The following SERPINB5 variants were observed in gnomAD, a reference collection of about 807,000 sequenced individuals.
SERPINB5 encodes serpin family B member 5.
SERPINB5 carries 27 observed loss-of-function variants against 32.2 expected under a neutral mutation model. The observed-to-expected ratio is 0.84, with a 90% CI of 0.62 to 1.16. SERPINB5 has a LOEUF of 1.16. SERPINB5 is among the 50% of genes most tolerant of loss of function. The pLI is 0.00. For missense variants in SERPINB5, 388 were observed against 436.3 expected (o/e 0.89, Z 0.99); for synonymous variants, 154 against 157.4 (o/e 0.98, Z 0.16).
At position 63,503,895 on chromosome 18, in the gene SERPINB5, T is replaced by TTC; in HGVS notation, c.*173_*174insTC. On this transcript the variant is annotated 3_prime_UTR_variant, in exon 7 of 7. Coordinates refer to ENST00000382771, the MANE Select transcript of SERPINB5 (RefSeq NM_002639.5). ...CACACAGATAGACCTTTTTTTTTTT[T>TTC]CCAATTCTATCTTTTGTTTCCTTTT... 2 of 617,132 alleles carry TTC rather than the reference T, an allele frequency of 3.2e-6. No homozygotes were observed. The highest frequency in any genetic ancestry group is 2.2e-5 in the South Asian group (1 of 44,974). The allele number at this position is 617,132 out of a possible 1,614,324, so 38.2% of individuals were successfully genotyped here.
intron 5 of SERPINB5, chr18:63,497,499 G>GAAAAAAAAAAAAAAAAAAAAAAAA (rs60323388): frequency 9.2e-6 from 2 of 217,030 alleles, no homozygotes; most frequent in African/African-American, 5.0e-5. Context: ...CAACGTTTCT[G>GAAAAAAAAAAAAAAAAAAAAAAAA]AAAAAAAAAA....
rs71821111 is a variant in SERPINB5 at position 63,499,034 on chromosome 18, TGC to T, written c.568-80_568-79del. 3.4e-3 allele frequency: 1,823 copies of T among 541,026 alleles called. 9 individuals are homozygous for T. Among genetic ancestry groups the T allele is most frequent in the African/African-American group, 0.015 (726 of 48,542 alleles). The allele number at this position is 541,026 out of a possible 1,614,324, so 33.5% of individuals were successfully genotyped here. A position where few individuals can be genotyped will look rare whatever the true frequency, so the allele number is the denominator to read the frequency against. On this transcript the variant is annotated intron_variant, in intron 5 of 6. Coordinates refer to ENST00000382771, the MANE Select transcript of SERPINB5 (RefSeq NM_002639.5). Reference sequence around the variant, plus strand: ...ATGTGGGTATATATGTGTGTGTGTGTGCGCGCGTGTGTGTATATATATATATA... The same window carrying T: ...ATGTGGGTATATATGTGTGTGTGTGTGCGCGTGTGTGTATATATATATATA...
At position 63,498,048 on chromosome 18, in the gene SERPINB5, A is replaced by G. The variant is rs541159915; in HGVS notation, c.568-1072A>G. ...GACAAACAGAGAGGTCACAACAAATATTGTTTTGTTCTGCTATGTGCTAAG... is the reference window on the plus strand; with the variant it reads ...GACAAACAGAGAGGTCACAACAAATGTTGTTTTGTTCTGCTATGTGCTAAG... On this transcript the variant is annotated intron_variant, in intron 5 of 6. Transcript: ENST00000382771. This position sits in a 1 kb window ranked among gnomAD's most constrained non-coding sequence, Gnocchi z 4.2. Among the ~76,000 whole-genome samples the G allele has an allele frequency of 3.9e-5, 6 of 152,086 alleles. No homozygotes were observed. The highest frequency in any genetic ancestry group is 7.4e-5 in the Non-Finnish European group (5 of 68,010).
rs531709561 is a variant in SERPINB5 at position 63,498,578 on chromosome 18, A to G, written c.568-542A>G. ...GATCTATGCAAATACAGTATTATAT[A>G]TACTTCATGTAATGTGTAACATGTA... On this transcript the variant is annotated intron_variant, in intron 5 of 6. Transcript: ENST00000382771. This position sits in a 1 kb window ranked among gnomAD's most constrained non-coding sequence, Gnocchi z 4.2. 1.3e-5 allele frequency among the ~76,000 whole-genome samples: 2 copies of G among 152,286 alleles called. No individual in the cohort carries two copies. Among genetic ancestry groups the G allele is most frequent in the African/African-American group, 2.4e-5 (1 of 41,552 alleles).
chr18:63,478,075 G>A (rs1293163183), intron 1 of SERPINB5, among the ~76,000 whole-genome samples: 1 of 152,234 alleles, frequency 6.6e-6, no homozygotes, highest in Admixed American at 6.5e-5. Flanking sequence ...GTCAGTTAGT[G>A]TAAGTGTTCG....
chr18:63,485,983 T>C (rs1242208796), intron 2 of SERPINB5: 1 of 151,376 alleles, frequency 6.6e-6, no homozygotes, highest in Non-Finnish European at 1.5e-5. Flanking sequence ...GCAGAAAAGA[T>C]GCTGGACTAT....
chr18:63,490,749 A>G (rs906584573), intron 4 of SERPINB5: 2 of 152,226 alleles, frequency 1.3e-5, no homozygotes, highest in Non-Finnish European at 2.9e-5. Flanking sequence ...ACTAACTGAT[A>G]TTTGGACACA....
chr18:63,483,808 G>A (rs749672343), intron 1 of SERPINB5, among the ~76,000 whole-genome samples: 76 of 152,192 alleles, frequency 5.0e-4, no homozygotes, highest in African/African-American at 1.6e-3. Flanking sequence ...CAGTCATATC[G>A]GATTAGGGCT....
chr18:63,499,657 T>A (rs548685841), intron 6 of SERPINB5, among the ~76,000 whole-genome samples: 3 of 152,148 alleles, frequency 2.0e-5, no homozygotes, highest in African/African-American at 7.2e-5. Context: ...GTGTGCAGGA[T>A]CAGGATTTGG....
intron 5 of SERPINB5, among the ~76,000 whole-genome samples, chr18:63,494,914 C>G (rs1415030260): frequency 2.0e-5 from 3 of 152,174 alleles, no homozygotes; most frequent in Non-Finnish European, 1.5e-5. Context: ...AGCAAATTTG[C>G]TGAATGAATG....
At chr18:63,485,658 G>A (rs1917199199) in intron 2 of SERPINB5, 1 of 152,238 alleles carries the variant, frequency 6.6e-6, no homozygotes, top group African/African-American at 2.4e-5. Context: ...CAGCGAAAGA[G>A]AACTTCCGGG....
At position 63,503,664 on chromosome 18, in the gene SERPINB5, T is replaced by A. The variant is rs753191795; in HGVS notation, c.1070T>A (p.Ile357Asn). The change falls in exon 7 of 7, where the codon ATC becomes AAC. Residue 357 changes from isoleucine to asparagine, a missense_variant. Ile to Asn is a moderately radical substitution (Grantham distance 149). Coordinates refer to ENST00000382771, the MANE Select transcript of SERPINB5 (RefSeq NM_002639.5). ...AATGCTGACCATCCCTTTATTTACA[T>A]CATCAGGCACAACAAAACTCGAAAC... ...ELNADHPFIY[I>N]IRHNKTRNII... The A allele has an allele frequency of 1.2e-6, 2 of 1,614,118 alleles. No individual in the cohort carries two copies. The highest frequency in any genetic ancestry group is 1.7e-6 in the Non-Finnish European group (2 of 1,180,030).
At chr18:63,478,173 C>T (rs566357950) in intron 1 of SERPINB5, among the ~76,000 whole-genome samples, 4 of 152,304 alleles carry the variant, frequency 2.6e-5, no homozygotes, top group Non-Finnish European at 5.9e-5. Flanking sequence ...TCTTTGCTTC[C>T]TAACGCCTTG....
intron 6 of SERPINB5, among the ~76,000 whole-genome samples, chr18:63,502,103 A>G (rs1599395229): frequency 6.6e-6 from 1 of 151,548 alleles, no homozygotes; most frequent in East Asian, 1.9e-4. Context: ...AAAGTATAGA[A>G]CTAAAGAAAA....
intron 6 of SERPINB5, among the ~76,000 whole-genome samples, chr18:63,503,090 C>T (rs1005976099): frequency 3.9e-5 from 6 of 151,922 alleles, no homozygotes; most frequent in African/African-American, 1.5e-4. Flanking sequence ...AAAACAGAAC[C>T]CTGTCCTCAT....
chr18:63,497,275 G>T (rs1017823482), intron 5 of SERPINB5: 2 of 1,095,984 alleles, frequency 1.8e-6, no homozygotes, highest in East Asian at 2.5e-5. Flanking sequence ...CTTGATCATT[G>T]GTTATTCCAG....
chr18:63,503,275 G>T lies in SERPINB5; in HGVS notation c.736-55G>T, dbSNP rs935786192. ...CACCTTATGTTTTCAATTGAGCCAG[G>T]TCTTTTACAGTTGGAAATAAATAAA... is the stretch of plus-strand genomic sequence containing the variant. On this transcript the variant is annotated intron_variant, in intron 6 of 6. Coordinates refer to ENST00000382771, the MANE Select transcript of SERPINB5 (RefSeq NM_002639.5). 10 of 1,527,874 alleles carry T rather than the reference G, an allele frequency of 6.5e-6. No homozygotes were observed. The Admixed American group carries it at 2.1e-4, about 32-fold the overall frequency. The allele number at this position is 1,527,874 out of a possible 1,614,324, so 94.6% of individuals were successfully genotyped here. A position where few individuals can be genotyped will look rare whatever the true frequency, so the allele number is the denominator to read the frequency against.
intron 4 of SERPINB5, among the ~76,000 whole-genome samples, chr18:63,492,569 A>G (rs1258177862): frequency 6.6e-6 from 1 of 152,238 alleles, no homozygotes; most frequent in Non-Finnish European, 1.5e-5. Flanking sequence ...TTGTTTATAT[A>G]TCATCCTTGA....
intron 1 of SERPINB5, among the ~76,000 whole-genome samples, chr18:63,478,056 TC>T (rs1917064504): frequency 6.6e-6 from 1 of 152,220 alleles, no homozygotes; most frequent in Non-Finnish European, 1.5e-5. Context: ...GTTCCAAACC[TC>T]AGTCCCTGTC....
Sources: allele counts gnomAD v4.1 joint callset (sites outside exome capture counted in the v4.1 genomes callset), GRCh38; gene constraint gnomAD v4.1.1; non-coding constraint Gnocchi (gnomAD v3.1); transcripts MANE v1.5; gene names NCBI Gene and HGNC (gene_info 2026-07-23, HGNC 2026-07-21).